BAIAP2: variants seen among roughly 807,000 people sequenced by gnomAD.
The protein encoded by BAIAP2 is BAR/IMD domain containing adaptor protein 2, also known as BAR/IMD domain-containing adapter protein 2.
BAIAP2 carries 18 observed loss-of-function variants against 63.0 expected under a neutral mutation model. That is an observed-to-expected ratio of 0.29 (90% CI 0.20 to 0.42). The LOEUF is 0.42. Among genes scored for constraint, BAIAP2 ranks in the 10% least tolerant of loss-of-function variants. The pLI is 1.00. For missense variants in BAIAP2, 610 were observed against 734.3 expected, an observed-to-expected ratio of 0.83 and a Z score of 1.96; for synonymous variants, 386 against 307.6, an observed-to-expected ratio of 1.25 and a Z score of -2.67.
chr17:81,047,858 G>A (rs576772473), intron 1 of BAIAP2, among the ~76,000 whole-genome samples: 7 of 152,328 alleles, frequency 4.6e-5, no homozygotes, highest in Admixed American at 2.0e-4. Context: ...ACAGGTAAAC[G>A]CATGCAGCAC....
intron 2 of BAIAP2, among the ~76,000 whole-genome samples, chr17:81,056,717 G>C (rs34735374): frequency 0.12 from 18,500 of 152,162 alleles, 1,254 homozygotes; most frequent in African/African-American, 0.13. Flanking sequence ...TGCTTTTCTT[G>C]ATGGCCTGGT....
intron 3 of BAIAP2, among the ~76,000 whole-genome samples, chr17:81,072,208 C>T (rs2052806432): frequency 6.6e-6 from 1 of 152,258 alleles, no homozygotes; most frequent in Non-Finnish European, 1.5e-5. Context: ...TCCCTTTTCC[C>T]AGATGGCTGG....
chr17:81,092,817 G>A (rs959773773), intron 6 of BAIAP2, among the ~76,000 whole-genome samples: 7 of 152,184 alleles, frequency 4.6e-5, no homozygotes, highest in Admixed American at 6.5e-5. Context: ...CACACCACGC[G>A]GGGCACGGTG....
At chr17:81,087,649 G>C (rs1348295092) in intron 6 of BAIAP2, 1 of 152,272 alleles carries the variant, frequency 6.6e-6, no homozygotes, top group Non-Finnish European at 1.5e-5. Flanking sequence ...AGAAGGATAA[G>C]TGAGAGTCTG....
intron 6 of BAIAP2, among the ~76,000 whole-genome samples, chr17:81,095,044 C>T (rs571874025): frequency 2.0e-4 from 31 of 152,372 alleles, no homozygotes; most frequent in African/African-American, 7.0e-4. Flanking sequence ...TCACTTTTGT[C>T]TTCTCTGATC....
chr17:81,106,469 G>C (rs938992701), intron 11 of BAIAP2, among the ~76,000 whole-genome samples: 4 of 152,206 alleles, frequency 2.6e-5, no homozygotes, highest in African/African-American at 9.7e-5. Context: ...GAGAATCGCA[G>C]CTGAAAGCGG....
chr17:81,057,823 T>C, intron 2 of BAIAP2, 58 bp from the exon 3 acceptor site: 1 of 1,567,616 alleles, frequency 6.4e-7, no homozygotes, highest in South Asian at 1.2e-5. Context: ...GTGTTTTTGC[T>C]GGGGGTCTTG....
chr17:81,103,687 C>T lies in BAIAP2; in HGVS notation c.828C>T (p.Pro276=), dbSNP rs2145901636. ...CCGACCCCATTCCGGGGGCCAAGCC[C>T]CTGCCGGTGCCCCCCGAGCTGGCAC... is the stretch of plus-strand genomic sequence containing the variant. The part of the protein sequence containing the change: ...VISDPIPGAK[P]LPVPPELAPF... Residue 276 remains proline, a synonymous_variant, in exon 8 of 14, where the codon CCC becomes CCT. Transcript: ENST00000428708. 6.3e-7 allele frequency: 1 copy of T among 1,594,488 alleles called. No homozygotes were observed. Among genetic ancestry groups the T allele is most frequent in the South Asian group, 1.1e-5 (1 of 90,494 alleles).
intron 1 of BAIAP2, among the ~76,000 whole-genome samples, chr17:81,041,339 C>CCT (rs1215788518): frequency 6.6e-6 from 1 of 152,170 alleles, no homozygotes; most frequent in Admixed American, 6.5e-5. Flanking sequence ...GCCTTGGTAT[C>CCT]CTCAGTGCTC....
At chr17:81,053,642 G>A (rs1302389991) in intron 1 of BAIAP2, 26 bp from the exon 2 acceptor site, 28 of 1,613,550 alleles carry the variant, frequency 1.7e-5, no homozygotes, top group Middle Eastern at 1.7e-4. Flanking sequence ...TGCCAGTAAT[G>A]CTGTTTCTTC....
At chr17:81,102,672 C>T (rs965022633) in intron 7 of BAIAP2, among the ~76,000 whole-genome samples, 2 of 152,218 alleles carry the variant, frequency 1.3e-5, no homozygotes, top group Non-Finnish European at 2.9e-5. Context: ...TGTCGTCCAA[C>T]ATCCTCCGTG....
chr17:81,109,750 C>G, intron 13 of BAIAP2: 1 of 985,320 alleles, frequency 1.0e-6, no homozygotes, highest in East Asian at 1.1e-4. Context: ...GGAGCAAGGT[C>G]GGGGGCAGGC....
chr17:81,055,574 G>GTTTTTTTTTTTTTTTTTGTTTT (rs1555657874), intron 2 of BAIAP2, among the ~76,000 whole-genome samples: 1 of 123,406 alleles, frequency 8.1e-6, no homozygotes, highest in African/African-American at 2.9e-5. Context: ...AGGGTGTTTT[G>GTTTTTTTTTTTTTTTTTGTTTT]TTTTTTTTTG....
intron 6 of BAIAP2, among the ~76,000 whole-genome samples, chr17:81,095,931 A>G (rs1279403895): frequency 1.3e-5 from 2 of 151,988 alleles, no homozygotes; most frequent in Admixed American, 1.3e-4. Flanking sequence ...TCCCCTGGGG[A>G]ACTGAGCATG....
chr17:81,053,602 C>T (rs117198875), intron 1 of BAIAP2, 66 bp from the exon 2 acceptor site: 85,995 of 1,572,480 alleles, frequency 0.055, 3,035 homozygotes, highest in Admixed American at 0.14. Flanking sequence ...CCTCTGTGTT[C>T]GGACCCTTCG....
chr17:81,039,411 G>A (rs2046781630), intron 1 of BAIAP2, among the ~76,000 whole-genome samples: 1 of 152,232 alleles, frequency 6.6e-6, no homozygotes. Flanking sequence ...CATGCCTGCT[G>A]TGCCGTTGGT....
chr17:81,064,023 A>G (rs2051040733), intron 3 of BAIAP2, among the ~76,000 whole-genome samples: 1 of 152,196 alleles, frequency 6.6e-6, no homozygotes, highest in South Asian at 2.1e-4. Context: ...CCGGCCGAGC[A>G]GGGCCCCAGC....
intron 13 of BAIAP2, chr17:81,109,392 AAAAG>A (rs1447631683): frequency 0.01 from 8,972 of 862,978 alleles, 3 homozygotes; most frequent in South Asian, 0.017. Flanking sequence ...AAAAAAAAAA[AAAAG>A]AAAAAAAGAA....
rs534411932 is a variant in BAIAP2, at chr17:81,049,108, T to TA, written c.55-4560_55-4559insA. ...CCGGGAACGCGGCCCAGGGAGCCAGTGCGTGGTCGCCGGGGGCACAGCAGA... is the reference window on the plus strand; with the variant it reads ...CCGGGAACGCGGCCCAGGGAGCCAGTAGCGTGGTCGCCGGGGGCACAGCAGA... On this transcript the variant is annotated intron_variant, in intron 1 of 13. Coordinates refer to ENST00000428708, the MANE Select transcript of BAIAP2 (RefSeq NM_001144888.2). 3.5e-4 allele frequency among the ~76,000 whole-genome samples: 53 copies of TA among 152,350 alleles called. No homozygotes were observed. In the East Asian group the frequency reaches 8.3e-3, roughly 24 times the overall value.
Sources: allele counts gnomAD v4.1 joint callset (sites outside exome capture counted in the v4.1 genomes callset), GRCh38; gene constraint gnomAD v4.1.1; transcripts MANE v1.5; gene names NCBI Gene and HGNC (gene_info 2026-07-23, HGNC 2026-07-21).